Variants in DEPTOR observed in about 807,000 individuals in gnomAD.
The protein encoded by DEPTOR is DEP domain-containing mTOR-interacting protein.
Under a neutral mutation model 41.6 loss-of-function variants are expected in DEPTOR, and 41 were observed. The ratio of observed to expected loss-of-function variants is 0.98; its 90% CI spans 0.77 to 1.28. The LOEUF (loss-of-function observed/expected upper bound fraction) is 1.28. Among genes scored for constraint, DEPTOR ranks in the 50% most tolerant of loss-of-function variants. The pLI is 0.00. For missense variants in DEPTOR, 514 were observed against 527.9 expected, an observed-to-expected ratio of 0.97 and a Z score of 0.26; for synonymous variants, 195 against 192.3, an observed-to-expected ratio of 1.01 and a Z score of -0.12.
chr8:119,996,145 C>A (rs1428496817), intron 4 of DEPTOR, among the ~76,000 whole-genome samples: 1 of 152,156 alleles, frequency 6.6e-6, no homozygotes, highest in South Asian at 2.1e-4. Context: ...ACGTGGCAAC[C>A]TTCATTTCAG....
intron 1 of DEPTOR, among the ~76,000 whole-genome samples, chr8:119,907,708 C>A (rs13265734): frequency 0.72 from 109,175 of 151,952 alleles, 39,666 homozygotes; most frequent in East Asian, 0.95. Flanking sequence ...CAGGAGAATC[C>A]CTTGAAGGTT....
At chr8:120,015,218 T>G (rs1446829054) in intron 8 of DEPTOR, among the ~76,000 whole-genome samples, 6 of 152,232 alleles carry the variant, frequency 3.9e-5, no homozygotes, top group Admixed American at 3.9e-4. Flanking sequence ...GCCTTCTGTC[T>G]GTTCCTCCCA....
chr8:119,902,689 C>T (rs1307201060), intron 1 of DEPTOR, among the ~76,000 whole-genome samples: 1 of 151,854 alleles, frequency 6.6e-6, no homozygotes, highest in Non-Finnish European at 1.5e-5. Context: ...TGCTTATGCT[C>T]GAAAGAGGAC....
At chr8:120,009,285 T>G in intron 8 of DEPTOR, 152 bp downstream of exon 8, 2 of 702,688 alleles carry the variant, frequency 2.8e-6, no homozygotes, top group South Asian at 4.0e-5. Context: ...GTCTTTAACC[T>G]TTCCCTGGGT....
At chr8:119,886,050 G>A (rs998500459) in intron 1 of DEPTOR, among the ~76,000 whole-genome samples, 1 of 151,720 alleles carries the variant, frequency 6.6e-6, no homozygotes, top group African/African-American at 2.4e-5. Flanking sequence ...TCTATACAAC[G>A]CAAATCCCTA....
intron 1 of DEPTOR, among the ~76,000 whole-genome samples, chr8:119,889,890 G>A (rs1680786977): frequency 6.6e-6 from 1 of 152,112 alleles, no homozygotes; most frequent in Non-Finnish European, 1.5e-5. Context: ...AGATGAATTT[G>A]GGACAAAAAG....
rs1812352012 is a variant in DEPTOR, at chr8:120,001,592, G to A, written c.672G>A (p.Arg224=). The A allele has an allele frequency of 5.0e-6, 8 of 1,613,988 alleles. No individual in the cohort carries two copies. The highest frequency in any genetic ancestry group is 6.8e-6 in the Non-Finnish European group (8 of 1,179,972). ...AGTTCAGAATGAACTTCCGGCGGAG[G>A]CGAAGACTGATGGAGCTGCTCAATG... ...LYQFRMNFRR[R]RRLMELLNEK... is the part of the protein sequence containing the mutation. The change falls in exon 5 of 9, where the codon AGG becomes AGA. Residue 224 remains arginine, a synonymous_variant. Transcript: ENST00000286234.
intron 8 of DEPTOR, among the ~76,000 whole-genome samples, chr8:120,016,571 G>A (rs1208164481): frequency 6.6e-6 from 1 of 151,708 alleles, no homozygotes; most frequent in African/African-American, 2.4e-5. Flanking sequence ...AAAGTGCTGG[G>A]ATTGTAGGTG....
intron 7 of DEPTOR, among the ~76,000 whole-genome samples, chr8:120,008,266 C>T (rs1034541211): frequency 3.3e-5 from 5 of 152,052 alleles, no homozygotes; most frequent in Non-Finnish European, 7.4e-5. Flanking sequence ...TGGTGGCTCA[C>T]GCCTGTAATC....
Position 119,894,144 on chromosome 8 carries a change from C to A in DEPTOR, c.122+20176C>A, listed in dbSNP as rs1827484558. The stretch of plus-strand genomic sequence containing the variant: ...AATGCTGTGGTGTGATGATGGCTCA[C>A]TGCAGCATTGACTTCCTGGGCTCAA... On this transcript the variant is annotated intron_variant, in intron 1 of 8. Transcript: ENST00000286234. 2.0e-5 allele frequency among the ~76,000 whole-genome samples: 3 copies of A among 152,248 alleles called. No individual in the cohort carries two copies. In the South Asian group the frequency reaches 6.2e-4, roughly 32 times the overall value.
intron 1 of DEPTOR, among the ~76,000 whole-genome samples, chr8:119,927,139 A>C (rs1207492037): frequency 6.6e-6 from 1 of 152,138 alleles, no homozygotes; most frequent in Non-Finnish European, 1.5e-5. Context: ...GGGAAAGGAG[A>C]TAGGAGAATG....
At chr8:119,943,860 C>T (rs879858861) in intron 3 of DEPTOR, among the ~76,000 whole-genome samples, 12 of 151,986 alleles carry the variant, frequency 7.9e-5, no homozygotes, top group Non-Finnish European at 1.8e-4. Flanking sequence ...TTTTTTGAGA[C>T]GGAGTCTCGT....
intron 1 of DEPTOR, among the ~76,000 whole-genome samples, chr8:119,915,876 C>CA (rs762676421): frequency 5.1e-5 from 7 of 136,790 alleles, no homozygotes; most frequent in African/African-American, 8.1e-5. Context: ...AATCCTTTAA[C>CA]AAAAGAGAAC....
At chr8:119,906,153 C>T (rs1827660708) in intron 1 of DEPTOR, among the ~76,000 whole-genome samples, 3 of 151,762 alleles carry the variant, frequency 2.0e-5, no homozygotes, top group African/African-American at 2.4e-5. Context: ...CATAAATATA[C>T]ACACACACAC....
At chr8:119,909,775 G>C (rs1337978848) in intron 1 of DEPTOR, among the ~76,000 whole-genome samples, 2 of 152,174 alleles carry the variant, frequency 1.3e-5, no homozygotes, top group Non-Finnish European at 2.9e-5. Context: ...TACAGACAAG[G>C]GTTAATCATC....
chr8:120,004,692 G>T (rs901683683), intron 6 of DEPTOR, among the ~76,000 whole-genome samples: 3 of 152,142 alleles, frequency 2.0e-5, no homozygotes, highest in Admixed American at 6.5e-5. Context: ...GAAGAAAAAG[G>T]TCTCGTTTCC....
chr8:120,028,474 T>C (rs1268198348), intron 8 of DEPTOR, among the ~76,000 whole-genome samples: 14 of 143,748 alleles, frequency 9.7e-5, no homozygotes, highest in African/African-American at 3.4e-4. Context: ...TTTTTTTTTT[T>C]CCTGAGACGG....
intron 4 of DEPTOR, among the ~76,000 whole-genome samples, chr8:119,988,038 G>A (rs905488276): frequency 6.6e-6 from 1 of 152,096 alleles, no homozygotes; most frequent in African/African-American, 2.4e-5. Context: ...GTTCTGTCTC[G>A]CTGGTGTTCC....
intron 1 of DEPTOR, among the ~76,000 whole-genome samples, chr8:119,897,219 G>A (rs1427646064): frequency 6.6e-6 from 1 of 152,136 alleles, no homozygotes; most frequent in Non-Finnish European, 1.5e-5. Context: ...TTATCCAACA[G>A]AATTTCATGT....
Sources: allele counts gnomAD v4.1 joint callset (sites outside exome capture counted in the v4.1 genomes callset), GRCh38; gene constraint gnomAD v4.1.1; transcripts MANE v1.5; gene names NCBI Gene and HGNC (gene_info 2026-07-23, HGNC 2026-07-21).